ZNF718: variants seen among roughly 807,000 people sequenced by gnomAD.
ZNF718 encodes zinc finger protein 718.
ZNF718 carries 3 observed loss-of-function variants against 2.6 expected under a neutral mutation model. The observed-to-expected ratio is 1.16, with a 90% CI of 0.53 to 3.01. The LOEUF (loss-of-function observed/expected upper bound fraction) is 3.01, where lower values mean the gene tolerates loss of function less well. Among genes scored for constraint, ZNF718 ranks in the 30% most tolerant of loss-of-function variants. The pLI, the probability that ZNF718 is intolerant of heterozygous loss-of-function variation, is 0.03. For missense variants in ZNF718, 468 were observed against 230.0 expected (o/e 2.03, Z -6.69); for synonymous variants, 135 against 77.9 (o/e 1.73, Z -3.86).
intron 3 of ZNF718, chr4:142,102 A>G: frequency 1.9e-6 from 1 of 518,656 alleles, no homozygotes; most frequent in Non-Finnish European, 3.9e-6. Flanking sequence ...ACGGGTTTTG[A>G]TAAGGGTCCC....
rs545834361 is a variant in ZNF718 at position 159,258 on chromosome 4, G to T, written c.227-1654G>T. Among the ~76,000 whole-genome samples, 3 of 151,992 alleles carry T rather than the reference G, an allele frequency of 2.0e-5. No homozygotes were observed. The East Asian group carries it at 5.8e-4, about 29-fold the overall frequency. On this transcript the variant is annotated intron_variant, in intron 3 of 3. Transcript: ENST00000510175. The stretch of plus-strand genomic sequence containing the variant: ...TCACCATGTTGGCAAGGATGGTCTC[G>T]AACTCCTGACCTTGTGATCTGCCCA...
intron 3 of ZNF718, among the ~76,000 whole-genome samples, chr4:139,016 A>G (rs367636783): frequency 2.0e-5 from 3 of 152,076 alleles, no homozygotes; most frequent in Non-Finnish European, 4.4e-5. Context: ...TGCCTTATGT[A>G]TTCTTGTTAT....
intron 3 of ZNF718, among the ~76,000 whole-genome samples, chr4:187,612 C>G (rs1267837102): frequency 6.6e-6 from 1 of 152,164 alleles, no homozygotes; most frequent in African/African-American, 2.4e-5. Context: ...ATGCACATTC[C>G]TCTGGGGTCT....
chr4:132,774 T>C lies in ZNF718; in HGVS notation c.226+1269T>C, dbSNP rs1715377934. 7.6e-5 allele frequency among the ~76,000 whole-genome samples: 8 copies of C among 104,722 alleles called. 2 individuals are homozygous for C. In the Admixed American group the frequency reaches 8.2e-4, roughly 11 times the overall value. The allele number at this position is 104,722 out of a possible 152,430, so 68.7% of individuals were successfully genotyped here. On this transcript the variant is annotated intron_variant, in intron 3 of 3. Transcript: ENST00000510175. Reference sequence around the variant, plus strand: ...TATTGTTTTAATATAAACTGAGATTTGTAATTTAAACTCTATTTTTGCAAG... The same window carrying C: ...TATTGTTTTAATATAAACTGAGATTCGTAATTTAAACTCTATTTTTGCAAG...
At chr4:197,907 G>A (rs1433308281) in intron 3 of ZNF718, among the ~76,000 whole-genome samples, 1 of 152,180 alleles carries the variant, frequency 6.6e-6, no homozygotes, top group African/African-American at 2.4e-5. Flanking sequence ...ATGAAAGTAT[G>A]GATGGAAACA....
At chr4:164,487 G>A (rs143780533), downstream of ZNF718, among the ~76,000 whole-genome samples, 174 of 152,054 alleles carry the variant, frequency 1.1e-3, 2 homozygotes, top group East Asian at 0.024. Flanking sequence ...GAATCTCCTT[G>A]TGCAAATTAT....
intron 3 of ZNF718, among the ~76,000 whole-genome samples, chr4:176,855 C>T (rs1157569852): frequency 3.9e-5 from 6 of 152,198 alleles, no homozygotes; most frequent in African/African-American, 1.4e-4. Flanking sequence ...ACTTTAGTGG[C>T]AGAATATCAG....
At chr4:167,663 G>A (rs1305722047), downstream of ZNF718, among the ~76,000 whole-genome samples, 1 of 152,032 alleles carries the variant, frequency 6.6e-6, no homozygotes, top group East Asian at 1.9e-4. Context: ...TCTGTTATTG[G>A]TGTATAAGAA....
At chr4:193,734 T>C (rs1288086753) in intron 3 of ZNF718, among the ~76,000 whole-genome samples, 4 of 151,682 alleles carry the variant, frequency 2.6e-5, no homozygotes, top group Admixed American at 1.3e-4. Context: ...TCCTCAATGG[T>C]CAAGCATACC....
rs1715258807 is a variant in ZNF718, at chr4:127,128, A to C, written c.3+2455A>C. ...CGTGAGCCACCGTGCCTGGCTGAAA[A>C]TTTTTCTTTTAGTCATATTTTCCAT... On this transcript the variant is annotated intron_variant, in intron 1 of 3. Coordinates refer to ENST00000510175, the MANE Select transcript of ZNF718 (RefSeq NM_001039127.6). Among the ~76,000 whole-genome samples, 4 of 35,362 alleles carry C rather than the reference A, an allele frequency of 1.1e-4. 1 individual carries two copies. The South Asian group carries it at 2.8e-3, about 25-fold the overall frequency. 23.2% of individuals were successfully genotyped at this position (35,362 alleles called of 152,430 possible). A position where few individuals can be genotyped will look rare whatever the true frequency, so the allele number is the denominator to read the frequency against.
At chr4:153,927 A>G (rs1553813120) in intron 3 of ZNF718, among the ~76,000 whole-genome samples, 2 of 152,212 alleles carry the variant, frequency 1.3e-5, no homozygotes, top group African/African-American at 2.4e-5. Flanking sequence ...AACTGTGTAC[A>G]CTATAAGACA....
intron 3 of ZNF718, among the ~76,000 whole-genome samples, chr4:178,427 C>T (rs1302426915): frequency 1.3e-5 from 2 of 152,132 alleles, no homozygotes; most frequent in Non-Finnish European, 2.9e-5. Flanking sequence ...GCATGATCCA[C>T]CACACCCAGC....
intron 3 of ZNF718, among the ~76,000 whole-genome samples, chr4:190,294 G>T (rs1717665561): frequency 6.6e-6 from 1 of 152,014 alleles, no homozygotes; most frequent in Admixed American, 6.6e-5. Flanking sequence ...GCCAGGCGTG[G>T]TGATGGGCGC....
chr4:124,730 G>A lies in ZNF718; in HGVS notation c.3+57G>A. On this transcript the variant is annotated intron_variant, in intron 1 of 3. Coordinates refer to ENST00000510175, the MANE Select transcript of ZNF718 (RefSeq NM_001039127.6). ...GTGGAGGCCTCATCGGAACCGGCGGGAAATGGCGGCGGTGGGAGGAGTCTG... is the reference window on the plus strand; with the variant it reads ...GTGGAGGCCTCATCGGAACCGGCGGAAAATGGCGGCGGTGGGAGGAGTCTG... 5 of 1,601,748 alleles carry A rather than the reference G, an allele frequency of 3.1e-6. No homozygotes were observed. The South Asian group carries it at 4.4e-5, about 14-fold the overall frequency.
intron 3 of ZNF718, among the ~76,000 whole-genome samples, chr4:137,737 A>C (rs184481994): frequency 1.1e-3 from 161 of 151,306 alleles, no homozygotes; most frequent in African/African-American, 3.8e-3. Flanking sequence ...ACTTCTGTCA[A>C]ATGTATACTT....
At chr4:126,482 C>T (rs1490879379) in intron 1 of ZNF718, among the ~76,000 whole-genome samples, 9 of 152,202 alleles carry the variant, frequency 5.9e-5, no homozygotes, top group Non-Finnish European at 1.3e-4. Flanking sequence ...AAGAATATAT[C>T]CCACAGTTTC....
At position 161,579 on chromosome 4, in the gene ZNF718, T is replaced by G. The variant is rs1553815219; in HGVS notation, c.894T>G (p.Leu298=). 1.3e-6 allele frequency: 1 copy of G among 780,830 alleles called. No homozygotes were observed. The highest frequency in any genetic ancestry group is 2.4e-5 in the East Asian group (1 of 41,192). The allele number at this position is 780,830 out of a possible 1,614,324, so 48.4% of individuals were successfully genotyped here. A position where few individuals can be genotyped will look rare whatever the true frequency, so the allele number is the denominator to read the frequency against. The change falls in exon 4 of 4, where the codon CTT becomes CTG. Residue 298 remains leucine (L), a synonymous_variant. Transcript: ENST00000510175. ...AAGCCTTTAAGTGGTCCTCATCCCT[T>G]AATGAACATAAGAGAATTCATGCTG... ...CGKAFKWSSS[L]NEHKRIHAGE...
chr4:139,517 C>T (rs1715717694), intron 3 of ZNF718, among the ~76,000 whole-genome samples: 1 of 152,184 alleles, frequency 6.6e-6, no homozygotes, highest in Non-Finnish European at 1.5e-5. Context: ...ATAGGGCATA[C>T]TAGGGGGTAT....
At chr4:159,228 G>T (rs1553814408) in intron 3 of ZNF718, among the ~76,000 whole-genome samples, 1 of 151,944 alleles carries the variant, frequency 6.6e-6, no homozygotes, top group Non-Finnish European at 1.5e-5. Context: ...AGTAGAGACA[G>T]GGTTTCACCA....
Sources: allele counts gnomAD v4.1 joint callset (sites outside exome capture counted in the v4.1 genomes callset), GRCh38; gene constraint gnomAD v4.1.1; transcripts MANE v1.5; gene names NCBI Gene and HGNC (gene_info 2026-07-23, HGNC 2026-07-21).